The following SORL1 variants were observed in gnomAD, a reference collection of about 807,000 sequenced individuals.
The protein encoded by SORL1 is sortilin-related receptor.
In SORL1, 127 loss-of-function variants were observed where a neutral mutation model predicts 273.7. The ratio of observed to expected loss-of-function variants is 0.46; its 90% CI spans 0.40 to 0.54. The LOEUF (loss-of-function observed/expected upper bound fraction) is 0.54. Ranked by LOEUF, SORL1 falls within the 20% of genes least tolerant of loss-of-function variation. SORL1 has a pLI of 0.00. For missense variants in SORL1, 2,494 were observed against 2,846.1 expected (o/e 0.88, Z 2.81); for synonymous variants, 1,031 against 1,067.4 (o/e 0.97, Z 0.66).
chr11:121,514,185 G>C lies in SORL1; in HGVS notation c.1075G>C (p.Val359Leu). 2 of 1,614,112 alleles carry C rather than the reference G, an allele frequency of 1.2e-6. No individual in the cohort carries two copies. The highest frequency in any genetic ancestry group is 1.6e-4 in the Middle Eastern group (1 of 6,062). Residue 359 changes from valine to leucine, a missense_variant, in exon 8 of 48, where the codon GTG becomes CTG. Coordinates refer to ENST00000260197, the MANE Select transcript of SORL1 (RefSeq NM_003105.6). ...CATCGCAGATGCCTCCGAGGACCAG[G>C]TGTTTGTGTGTGTCAGCCACAGTAA... ...YYIADASEDQ[V>L]FVCVSHSNNR... is the part of the protein sequence containing the mutation.
intron 14 of SORL1, among the ~76,000 whole-genome samples, chr11:121,547,400 AT>A (rs2134892359): frequency 9.8e-6 from 1 of 102,068 alleles, no homozygotes; most frequent in South Asian, 3.4e-4. Context: ...CTTGCCCTAC[AT>A]TTCCCCAACC....
chr11:121,516,701 G>A (rs1488504015), intron 8 of SORL1, among the ~76,000 whole-genome samples: 1 of 152,048 alleles, frequency 6.6e-6, no homozygotes, highest in Non-Finnish European at 1.5e-5. Context: ...GCTTGTCCTG[G>A]TTTGGTCAGT....
At chr11:121,568,227 C>T (rs1862781239) in intron 22 of SORL1, among the ~76,000 whole-genome samples, 1 of 152,194 alleles carries the variant, frequency 6.6e-6, no homozygotes, top group South Asian at 2.1e-4. Flanking sequence ...CACAGCGGCC[C>T]AAGTCCAAGG....
At chr11:121,521,499 T>C (rs1862041436) in intron 9 of SORL1, among the ~76,000 whole-genome samples, 1 of 152,236 alleles carries the variant, frequency 6.6e-6, no homozygotes, top group African/African-American at 2.4e-5. Flanking sequence ...TTTCCCTGAC[T>C]AATCAGTTTA....
intron 12 of SORL1, among the ~76,000 whole-genome samples, chr11:121,540,522 CAA>C (rs34608652): frequency 2.9e-5 from 3 of 103,858 alleles, no homozygotes; most frequent in Admixed American, 2.1e-4. Context: ...ACTAAAAATA[CAA>C]AAAAAAAAAA....
At chr11:121,608,353 T>C (rs1027905952) in intron 38 of SORL1, 177 bp downstream of exon 38, 11 of 588,354 alleles carry the variant, frequency 1.9e-5, no homozygotes, top group Non-Finnish European at 3.0e-5. Context: ...AGAGTCTTTT[T>C]GGGGTGACTG....
intron 3 of SORL1, among the ~76,000 whole-genome samples, chr11:121,484,066 G>C (rs190804896): frequency 1.3e-5 from 2 of 152,288 alleles, no homozygotes; most frequent in East Asian, 3.9e-4. Context: ...CTTGTATTGA[G>C]CTGCTGTGCA....
chr11:121,482,958 T>C (rs1048396575), intron 3 of SORL1, among the ~76,000 whole-genome samples: 1 of 152,250 alleles, frequency 6.6e-6, no homozygotes, highest in Non-Finnish European at 1.5e-5. Context: ...GCAGTCCCAC[T>C]TCCTTCTTGG....
At chr11:121,512,968 C>A in intron 6 of SORL1, 35 bp from the exon 7 acceptor site, 1 of 1,401,804 alleles carries the variant, frequency 7.1e-7, no homozygotes, top group Non-Finnish European at 1.0e-6. Context: ...TGTAATGTGG[C>A]ACCATTAATT....
rs1863810301 is a variant in SORL1, at chr11:121,627,304, C to A, written c.6365-251C>A. The A allele has an allele frequency of 2.0e-6, 1 of 508,324 alleles. No individual in the cohort carries two copies. Among genetic ancestry groups the A allele is most frequent in the South Asian group, 2.6e-5 (1 of 39,130 alleles). 31.5% of individuals were successfully genotyped at this position (508,324 alleles called of 1,614,324 possible). On this transcript the variant is annotated intron_variant, in intron 46 of 47. Transcript: ENST00000260197. The surrounding 1 kb of genome is among the most constrained non-coding windows in gnomAD (Gnocchi z 4.9). ...TCCAAGAGATTATCTAAATAACCAACAAGGCAGTGATTAGGAGTCTAATGT... is the reference window on the plus strand; with the variant it reads ...TCCAAGAGATTATCTAAATAACCAAAAAGGCAGTGATTAGGAGTCTAATGT...
chr11:121,585,767 T>TCTG (rs1183403795), intron 26 of SORL1, among the ~76,000 whole-genome samples: 2 of 152,182 alleles, frequency 1.3e-5, no homozygotes, highest in Non-Finnish European at 2.9e-5. Flanking sequence ...TTGCACCTTG[T>TCTG]TTTTTTCACA....
chr11:121,536,425 G>GTTTTTTTTTTTTTTTTTTTTTT (rs760535597), intron 12 of SORL1, among the ~76,000 whole-genome samples: 1 of 143,732 alleles, frequency 7.0e-6, no homozygotes. Flanking sequence ...TCTTATCACT[G>GTTTTTTTTTTTTTTTTTTTTTT]TGTTTTTTTT....
intron 21 of SORL1, among the ~76,000 whole-genome samples, chr11:121,564,730 G>A (rs1011234246): frequency 1.3e-5 from 2 of 151,132 alleles, no homozygotes; most frequent in Non-Finnish European, 2.9e-5. Context: ...ATGTGTACCC[G>A]GCTAATTTTG....
intron 16 of SORL1, among the ~76,000 whole-genome samples, chr11:121,551,141 C>A (rs555740978): frequency 2.6e-5 from 4 of 152,034 alleles, no homozygotes; most frequent in African/African-American, 9.7e-5. Flanking sequence ...CCAGTTTAAC[C>A]CTTTTAACAA....
intron 12 of SORL1, among the ~76,000 whole-genome samples, chr11:121,540,023 T>C (rs1303414440): frequency 6.6e-6 from 1 of 152,218 alleles, no homozygotes; most frequent in Non-Finnish European, 1.5e-5. Flanking sequence ...TGAACTTATC[T>C]TGCTACTATT....
chr11:121,461,685 A>G (rs1861003139), intron 1 of SORL1, among the ~76,000 whole-genome samples: 1 of 152,200 alleles, frequency 6.6e-6, no homozygotes, highest in Non-Finnish European at 1.5e-5. Flanking sequence ...GGGTTTCCCC[A>G]GGTTTCAGAG....
At chr11:121,555,943 G>A (rs1395297213) in intron 18 of SORL1, among the ~76,000 whole-genome samples, 1 of 152,132 alleles carries the variant, frequency 6.6e-6, no homozygotes, top group Non-Finnish European at 1.5e-5. Context: ...ATGGAGAGAC[G>A]GCATGTGGGT....
chr11:121,540,021 T>A (rs1231708718), intron 12 of SORL1, among the ~76,000 whole-genome samples: 2 of 152,238 alleles, frequency 1.3e-5, no homozygotes, highest in Admixed American at 1.3e-4. Flanking sequence ...TTTGAACTTA[T>A]CTTGCTACTA....
In SORL1 at chr11:121,612,814, A is replaced by T; in HGVS notation, c.5401A>T (p.Ser1801Cys). ...QERRTLNFRG[S>C]ILSHKVGNLT... ...GAGGAGAACTTTGAACTTCCGAGGA[A>T]GCATATTGTCACACAAAGGTAACAC... is the stretch of plus-strand genomic sequence containing the variant. Residue 1801 changes from serine (S) to cysteine (C), a missense_variant, in exon 40 of 48, where the codon AGC becomes TGC. By Grantham distance (112) the Ser-to-Cys change is moderately radical. This residue lies in a region of SORL1 where 1,609 missense variants were observed against 1,816.4 expected (regional missense o/e 0.89). Coordinates refer to ENST00000260197, the MANE Select transcript of SORL1 (RefSeq NM_003105.6). The T allele has an allele frequency of 1.9e-6, 3 of 1,613,586 alleles. No individual in the cohort carries two copies. The highest frequency in any genetic ancestry group is 2.5e-6 in the Non-Finnish European group (3 of 1,179,518).
Sources: gnomAD v4.1 joint callset for allele counts (sites outside exome capture counted in the v4.1 genomes callset) on GRCh38, gnomAD v4.1.1 for gene constraint, gnomAD v4.1.1 regional missense constraint, Gnocchi (gnomAD v3.1) non-coding constraint, MANE v1.5 for transcripts, NCBI Gene and HGNC (gene_info 2026-07-23, HGNC 2026-07-21) for gene names.